The following RSU1 variants were observed in gnomAD, a reference collection of about 807,000 sequenced individuals.
The protein encoded by RSU1 is Ras suppressor protein 1, also known as rsu-1.
In RSU1, 26 loss-of-function variants were observed where a neutral mutation model predicts 31.1. That is an observed-to-expected ratio of 0.84 (90% CI 0.61 to 1.16). The LOEUF (loss-of-function observed/expected upper bound fraction) is 1.16, where lower values mean the gene tolerates loss of function less well. RSU1 is among the 50% of genes most tolerant of loss of function. The pLI is 0.00. For synonymous variants in RSU1, 164 were observed against 136.3 expected (o/e 1.20, Z -1.41); for missense variants, 320 against 339.1 (o/e 0.94, Z 0.44).
intron 2 of RSU1, among the ~76,000 whole-genome samples, chr10:16,811,170 T>C (rs1250381812): frequency 1.3e-5 from 2 of 152,190 alleles, no homozygotes; most frequent in East Asian, 1.9e-4. Context: ...TACAATCACA[T>C]GCTGTACAGT....
chr10:16,653,812 C>T (rs188287310), intron 8 of RSU1, among the ~76,000 whole-genome samples: 141 of 151,954 alleles, frequency 9.3e-4, no homozygotes, highest in African/African-American at 3.2e-3. Flanking sequence ...AGAAATGGTA[C>T]GAAAATTGGG....
At chr10:16,709,059 TA>T (rs1417431198) in intron 7 of RSU1, among the ~76,000 whole-genome samples, 3 of 151,730 alleles carry the variant, frequency 2.0e-5, no homozygotes, top group Admixed American at 2.0e-4. Flanking sequence ...GCAGGTTACA[TA>T]TGTATACATG....
intron 2 of RSU1, among the ~76,000 whole-genome samples, chr10:16,792,975 T>C (rs548597433): frequency 6.6e-6 from 1 of 152,336 alleles, no homozygotes; most frequent in South Asian, 2.1e-4. Flanking sequence ...CTGAAGTTAT[T>C]TCACCCTTGG....
At chr10:16,718,612 C>T (rs911735986) in intron 7 of RSU1, among the ~76,000 whole-genome samples, 1 of 151,036 alleles carries the variant, frequency 6.6e-6, no homozygotes, top group Non-Finnish European at 1.5e-5. Context: ...CAAAAGTAGG[C>T]CTTCTCAGAA....
intron 7 of RSU1, among the ~76,000 whole-genome samples, chr10:16,722,849 CACACAT>C (rs1836296590): frequency 7.5e-5 from 7 of 93,816 alleles, no homozygotes; most frequent in African/African-American, 1.3e-4. Context: ...TGTATATATA[CACACAT>C]ATATACATAT....
chr10:16,712,331 A>C (rs1400367501), intron 7 of RSU1, among the ~76,000 whole-genome samples: 1 of 152,138 alleles, frequency 6.6e-6, no homozygotes, highest in Non-Finnish European at 1.5e-5. Context: ...TTTATATTCA[A>C]GGTCATATCA....
chr10:16,787,290 A>G (rs1451616583), intron 2 of RSU1, among the ~76,000 whole-genome samples: 1 of 151,904 alleles, frequency 6.6e-6, no homozygotes, highest in Non-Finnish European at 1.5e-5. Context: ...ATTATCCAAC[A>G]CGTGTTCCAC....
chr10:16,756,670 G>A (rs535143902), intron 4 of RSU1, among the ~76,000 whole-genome samples: 53 of 152,286 alleles, frequency 3.5e-4, no homozygotes, highest in Non-Finnish European at 6.8e-4. Context: ...TCTAGTTTTG[G>A]TAAGGCTTCC....
chr10:16,755,770 T>G (rs902826629), intron 4 of RSU1, among the ~76,000 whole-genome samples: 2 of 152,202 alleles, frequency 1.3e-5, no homozygotes, highest in African/African-American at 4.8e-5. Flanking sequence ...CTCCAGCCTG[T>G]GGTAACCATT....
chr10:16,684,430 G>A (rs1033139334), intron 8 of RSU1, among the ~76,000 whole-genome samples: 5 of 152,126 alleles, frequency 3.3e-5, no homozygotes, highest in African/African-American at 1.2e-4. Context: ...GTCATATTTG[G>A]AGACAGCGTT....
intron 7 of RSU1, among the ~76,000 whole-genome samples, chr10:16,733,298 C>CTGGCCAA (rs1012971791): frequency 1.8e-4 from 26 of 143,718 alleles, no homozygotes; most frequent in Admixed American, 7.2e-4. Flanking sequence ...CAATACCAGT[C>CTGGCCAA]TGGCCAACAT....
chr10:16,788,008 CA>C (rs765833808), intron 2 of RSU1, among the ~76,000 whole-genome samples: 92 of 152,160 alleles, frequency 6.0e-4, no homozygotes, highest in Non-Finnish European at 1.1e-3. Context: ...AGAAATCTCA[CA>C]CATTTTTATT....
chr10:16,802,605 G>A (rs984071896), intron 2 of RSU1, among the ~76,000 whole-genome samples: 2 of 152,058 alleles, frequency 1.3e-5, no homozygotes, highest in Non-Finnish European at 2.9e-5. Flanking sequence ...AGAAACTACA[G>A]ACCAATCTCT....
At chr10:16,741,703 TACAATCC>T (rs1158835029) in intron 7 of RSU1, among the ~76,000 whole-genome samples, 1 of 152,126 alleles carries the variant, frequency 6.6e-6, no homozygotes, top group Non-Finnish European at 1.5e-5. Context: ...GACAAAGGCA[TACAATCC>T]ACTCTGTAAT....
intron 8 of RSU1, among the ~76,000 whole-genome samples, chr10:16,618,827 T>TG (rs1451455286): frequency 6.6e-6 from 1 of 151,826 alleles, no homozygotes; most frequent in Non-Finnish European, 1.5e-5. Context: ...GGGCCCGTGG[T>TG]GGGGTAGGGG....
At chr10:16,756,045 TG>T (rs1837078262) in intron 4 of RSU1, among the ~76,000 whole-genome samples, 1 of 152,216 alleles carries the variant, frequency 6.6e-6, no homozygotes, top group Admixed American at 6.5e-5. Flanking sequence ...AATATACACA[TG>T]AAGCTTTGTA....
chr10:16,817,188 G>A (rs1231564208), intron 1 of RSU1, 104 bp from the exon 2 acceptor site: 3 of 831,628 alleles, frequency 3.6e-6, no homozygotes, highest in South Asian at 1.4e-5. Context: ...GGGTTGGAGC[G>A]GGTGGGCGTC....
In RSU1 at chr10:16,610,588, T is replaced by G. The variant is rs576388528; in HGVS notation, c.732-17092A>C. 4.6e-5 allele frequency among the ~76,000 whole-genome samples: 7 copies of G among 152,300 alleles called. No homozygotes were observed. In the East Asian group the frequency reaches 1.3e-3, roughly 29 times the overall value. On this transcript the variant is annotated intron_variant, in intron 8 of 8. Transcript: ENST00000345264. ...CTTATGAGAATCTAATGCCTGATGA[T>G]CCGTCACTATTTCCCATCACCCCCA... is the stretch of plus-strand genomic sequence containing the variant.
chr10:16,683,739 T>C (rs1191758691), intron 8 of RSU1, among the ~76,000 whole-genome samples: 1 of 152,148 alleles, frequency 6.6e-6, no homozygotes, highest in East Asian at 1.9e-4. Flanking sequence ...CCAAGGTGGT[T>C]GGGGCGCAGC....
Sources: gnomAD v4.1 joint callset for allele counts (sites outside exome capture counted in the v4.1 genomes callset) on GRCh38, gnomAD v4.1.1 for gene constraint, MANE v1.5 for transcripts, NCBI Gene and HGNC (gene_info 2026-07-23, HGNC 2026-07-21) for gene names.